Variants in VDAC1 observed in about 807,000 individuals in gnomAD.
VDAC1 encodes the protein non-selective voltage-gated ion channel VDAC1.
In VDAC1, 10 loss-of-function variants were observed where a neutral mutation model predicts 34.7. That is an observed-to-expected ratio of 0.29 (90% CI 0.18 to 0.49). VDAC1 has a LOEUF of 0.49. Among genes scored for constraint, VDAC1 ranks in the 20% least tolerant of loss-of-function variants. VDAC1 has a pLI of 0.99. For missense variants in VDAC1, 230 were observed against 347.9 expected (o/e 0.66, Z 2.69); for synonymous variants, 130 against 136.0 (o/e 0.96, Z 0.30).
chr5:134,065,588 G>A, the VDAC1 span, among the ~76,000 whole-genome samples: 17 of 151,550 alleles, frequency 1.1e-4, no homozygotes, highest in Non-Finnish European at 2.2e-4. Context: ...TTATCCACCT[G>A]TCTCAGCCTC....
At chr5:134,029,401 A>G in the VDAC1 span, among the ~76,000 whole-genome samples, 1 of 152,190 alleles carries the variant, frequency 6.6e-6, no homozygotes, top group Non-Finnish European at 1.5e-5. Context: ...TAAGTAATAC[A>G]CTCAGGAATC....
chr5:133,982,467 G>A (rs1298972034), intron 5 of VDAC1, among the ~76,000 whole-genome samples: 16 of 149,632 alleles, frequency 1.1e-4, no homozygotes, highest in Admixed American at 4.0e-4. Context: ...AGCCGAGATC[G>A]CGCCACTGCA....
chr5:134,003,576 T>C (rs1753642694), intron 1 of VDAC1, among the ~76,000 whole-genome samples: 1 of 152,206 alleles, frequency 6.6e-6, no homozygotes, highest in Non-Finnish European at 1.5e-5. Flanking sequence ...AAAGAATGTT[T>C]AAAAACAGGA....
upstream of VDAC1, chr5:134,005,302 C>G (rs1397732482): frequency 6.6e-6 from 1 of 152,142 alleles, no homozygotes; most frequent in African/African-American, 2.4e-5. Context: ...AGTCCCAGGC[C>G]CAGCGCGGAC....
the VDAC1 span, among the ~76,000 whole-genome samples, chr5:134,013,808 T>C: frequency 6.6e-6 from 1 of 151,130 alleles, no homozygotes; most frequent in South Asian, 2.1e-4. Flanking sequence ...CAGGCATGGT[T>C]GCGGGCACCT....
At chr5:134,105,246 G>A in the VDAC1 span, among the ~76,000 whole-genome samples, 2 of 152,156 alleles carry the variant, frequency 1.3e-5, no homozygotes, top group Non-Finnish European at 2.9e-5. Flanking sequence ...TGTGTTAAAG[G>A]AGGCCAGGGG....
the VDAC1 span, among the ~76,000 whole-genome samples, chr5:134,066,464 T>C: frequency 6.6e-6 from 1 of 152,266 alleles, no homozygotes; most frequent in Non-Finnish European, 1.5e-5. Context: ...GTCTTTTAAA[T>C]AGTCTACTCC....
At chr5:134,098,770 T>C in the VDAC1 span, among the ~76,000 whole-genome samples, 1 of 152,246 alleles carries the variant, frequency 6.6e-6, no homozygotes, top group African/African-American at 2.4e-5. Context: ...GTCCAGCTCC[T>C]ACTCTTACCC....
intron 5 of VDAC1, among the ~76,000 whole-genome samples, chr5:133,981,555 AG>A (rs1270124458): frequency 6.6e-6 from 1 of 152,226 alleles, no homozygotes; most frequent in Non-Finnish European, 1.5e-5. Flanking sequence ...GGAACTCTGC[AG>A]TCATGGGGGC....
chr5:134,020,213 G>C, the VDAC1 span, among the ~76,000 whole-genome samples: 2 of 151,886 alleles, frequency 1.3e-5, no homozygotes, highest in African/African-American at 4.8e-5. Context: ...TTTCCTGCCA[G>C]AGCCAGCATA....
chr5:134,002,176 G>A (rs1470767132), intron 1 of VDAC1, among the ~76,000 whole-genome samples: 1 of 152,040 alleles, frequency 6.6e-6, no homozygotes, highest in East Asian at 1.9e-4. Flanking sequence ...GTAGAGGTTG[G>A]ATGCCCTTCA....
the VDAC1 span, among the ~76,000 whole-genome samples, chr5:134,055,588 G>GTTTTTTTT: frequency 4.7e-4 from 28 of 59,608 alleles, 4 homozygotes; most frequent in African/African-American, 1.8e-3. Context: ...CCCCGCTAAT[G>GTTTTTTTT]TTTTTTTTTT....
chr5:134,016,040 C>T, the VDAC1 span, among the ~76,000 whole-genome samples: 2 of 152,320 alleles, frequency 1.3e-5, no homozygotes, highest in East Asian at 1.9e-4. Context: ...CTGCCCATCT[C>T]GGCTTTCCAA....
Position 133,972,482 on chromosome 5 carries a change from T to C in VDAC1, c.*289A>G, listed in dbSNP as rs1372354676. ...AATATGAATTTACAAAGTGCCTACA[T>C]ATTATCCGCTTCCACTTGCAGCCAT... is the stretch of plus-strand genomic sequence containing the variant. On this transcript the variant is annotated 3_prime_UTR_variant, in exon 9 of 9. Coordinates refer to ENST00000265333, the MANE Select transcript of VDAC1 (RefSeq NM_003374.3). 4.3e-6 allele frequency: 2 copies of C among 468,876 alleles called. No individual in the cohort carries two copies. Among genetic ancestry groups the C allele is most frequent in the South Asian group, 1.0e-4 (2 of 19,418 alleles). The allele number at this position is 468,876 out of a possible 1,614,324, so 29.0% of individuals were successfully genotyped here. A position where few individuals can be genotyped will look rare whatever the true frequency, so the allele number is the denominator to read the frequency against.
At chr5:133,984,935 A>T (rs1453900371) in intron 5 of VDAC1, among the ~76,000 whole-genome samples, 1 of 152,180 alleles carries the variant, frequency 6.6e-6, no homozygotes, top group Non-Finnish European at 1.5e-5. Flanking sequence ...GACTGTCTCA[A>T]AAAAATAAAT....
At chr5:134,013,516 C>G in the VDAC1 span, among the ~76,000 whole-genome samples, 2 of 152,170 alleles carry the variant, frequency 1.3e-5, no homozygotes, top group African/African-American at 4.8e-5. Flanking sequence ...AAGAAACTAT[C>G]AACAGAGTAA....
At chr5:134,044,926 A>G in the VDAC1 span, among the ~76,000 whole-genome samples, 3 of 152,180 alleles carry the variant, frequency 2.0e-5, no homozygotes, top group Admixed American at 6.5e-5. Flanking sequence ...ATCCTGGGGA[A>G]GGGAGGCCTA....
At chr5:133,983,408 C>T (rs924256946) in intron 5 of VDAC1, among the ~76,000 whole-genome samples, 1 of 151,950 alleles carries the variant, frequency 6.6e-6, no homozygotes, top group African/African-American at 2.4e-5. Context: ...ATAGTATGTG[C>T]GTGGAGGAGT....
At chr5:134,040,447 T>C in the VDAC1 span, among the ~76,000 whole-genome samples, 1 of 152,110 alleles carries the variant, frequency 6.6e-6, no homozygotes, top group Non-Finnish European at 1.5e-5. Context: ...TGGTGGCACG[T>C]GCCTGTAGTC....
Sources: gnomAD v4.1 joint callset for allele counts (sites outside exome capture counted in the v4.1 genomes callset) on GRCh38, gnomAD v4.1.1 for gene constraint, MANE v1.5 for transcripts, NCBI Gene and HGNC (gene_info 2026-07-23, HGNC 2026-07-21) for gene names.